KIF27: variants seen among roughly 807,000 people sequenced by gnomAD.
KIF27 encodes kinesin family member 27, also known as kinesin-like protein KIF27.
Under a neutral mutation model 141.8 loss-of-function variants are expected in KIF27, and 84 were observed. The ratio of observed to expected loss-of-function variants is 0.59; its 90% CI spans 0.50 to 0.71. The LOEUF is 0.71. Ranked by LOEUF, KIF27 falls within the 30% of genes least tolerant of loss-of-function variation. The pLI is 0.00. For missense variants in KIF27, 1,306 were observed against 1,628.4 expected, an observed-to-expected ratio of 0.80 and a Z score of 3.41; for synonymous variants, 471 against 569.5, an observed-to-expected ratio of 0.83 and a Z score of 2.46.
intron 3 of KIF27, among the ~76,000 whole-genome samples, chr9:83,907,042 G>A (rs1021751833): frequency 6.6e-6 from 1 of 151,956 alleles, no homozygotes; most frequent in Non-Finnish European, 1.5e-5. Context: ...TGTAATCCCA[G>A]CACTTTGGGA....
In KIF27 at chr9:83,903,391, C is replaced by A; in HGVS notation, c.1127G>T (p.Gly376Val). 1 of 1,614,056 alleles carries A rather than the reference C, an allele frequency of 6.2e-7. No homozygotes were observed. The highest frequency in any genetic ancestry group is 1.3e-5 in the African/African-American group (1 of 75,058). Residue 376 changes from glycine (G) to valine (V), a missense_variant, in exon 4 of 18, where the codon GGT becomes GTT. Coordinates refer to ENST00000297814, the MANE Select transcript of KIF27 (RefSeq NM_017576.4). Reference protein sequence around the residue: ...LREALQSQQAGVSQTTQINRE... With the variant: ...LREALQSQQAVVSQTTQINRE... Reference sequence around the variant, plus strand: ...ATTGATCTGGGTAGTTTGGCTGACACCAGCCTGCTGGCTTTGCAAAGCTTC... The same window carrying A: ...ATTGATCTGGGTAGTTTGGCTGACAACAGCCTGCTGGCTTTGCAAAGCTTC...
At chr9:83,901,421 CTA>C (rs1953876576) in intron 4 of KIF27, among the ~76,000 whole-genome samples, 1 of 152,190 alleles carries the variant, frequency 6.6e-6, no homozygotes, top group Non-Finnish European at 1.5e-5. Flanking sequence ...TCCCTTCAAA[CTA>C]TACAATTATG....
intron 13 of KIF27, among the ~76,000 whole-genome samples, chr9:83,862,650 C>G (rs1219133583): frequency 1.3e-5 from 2 of 152,106 alleles, no homozygotes; most frequent in Non-Finnish European, 2.9e-5. Context: ...ATTGTCTTGG[C>G]AATGCGGGCT....
At chr9:83,919,596 G>GAAA (rs537144904) in intron 1 of KIF27, among the ~76,000 whole-genome samples, 2 of 142,392 alleles carry the variant, frequency 1.4e-5, no homozygotes, top group African/African-American at 5.1e-5. Flanking sequence ...CACTACCCTT[G>GAAA]AAAAAAAAAA....
intron 13 of KIF27, among the ~76,000 whole-genome samples, chr9:83,860,635 C>T (rs1380191111): frequency 6.6e-6 from 1 of 152,182 alleles, no homozygotes; most frequent in Non-Finnish European, 1.5e-5. Flanking sequence ...TTCCTCAACA[C>T]TTTTTCATTT....
intron 12 of KIF27, among the ~76,000 whole-genome samples, chr9:83,869,922 A>G (rs2132034094): frequency 6.6e-6 from 1 of 152,316 alleles, no homozygotes; most frequent in South Asian, 2.1e-4. Flanking sequence ...TGTAATAATA[A>G]AAGTTTCACT....
At chr9:83,852,481 A>G (rs978973385) in intron 15 of KIF27, among the ~76,000 whole-genome samples, 2 of 151,870 alleles carry the variant, frequency 1.3e-5, no homozygotes, top group African/African-American at 4.8e-5. Context: ...TATCTATGTC[A>G]AAGCACTCCA....
intron 17 of KIF27, 154 bp from the exon 18 acceptor site, chr9:83,837,639 G>A (rs1420601828): frequency 7.0e-6 from 4 of 573,424 alleles, no homozygotes; most frequent in African/African-American, 1.9e-5. Flanking sequence ...ATGAACAGAT[G>A]TGTGAATATG....
chr9:83,904,064 C>T, intron 3 of KIF27, 46 bp from the exon 4 acceptor site: 2 of 1,458,524 alleles, frequency 1.4e-6, no homozygotes, highest in Non-Finnish European at 1.9e-6. Flanking sequence ...TTCATCAAAA[C>T]CTAGTATAGT....
In KIF27 at chr9:83,889,271, C is replaced by G. The variant is rs2990931; in HGVS notation, c.1810-18G>C. On this transcript the variant is annotated intron_variant, in intron 6 of 17. Coordinates refer to ENST00000297814, the MANE Select transcript of KIF27 (RefSeq NM_017576.4). ...GTGTGGACCTTGCAAGTGATTCCCC[C>G]ACCCAACAACAAAAAAAGTGATATT... 2.6e-6 allele frequency: 4 copies of G among 1,563,130 alleles called. No homozygotes were observed. Among genetic ancestry groups the G allele is most frequent in the Non-Finnish European group, 3.5e-6 (4 of 1,150,530 alleles).
intron 1 of KIF27, among the ~76,000 whole-genome samples, chr9:83,916,878 C>T (rs1054993384): frequency 6.6e-6 from 1 of 151,982 alleles, no homozygotes; most frequent in African/African-American, 2.4e-5. Context: ...TTAGCCAGGA[C>T]GGTCTCGATC....
chr9:83,875,368 T>G (rs1411503456), intron 11 of KIF27, among the ~76,000 whole-genome samples: 7 of 152,206 alleles, frequency 4.6e-5, no homozygotes, highest in Non-Finnish European at 1.0e-4. Flanking sequence ...AACTACATTT[T>G]TCCCCCATGA....
At chr9:83,876,593 C>A (rs1951218639) in intron 11 of KIF27, among the ~76,000 whole-genome samples, 1 of 152,148 alleles carries the variant, frequency 6.6e-6, no homozygotes, top group Admixed American at 6.6e-5. Flanking sequence ...ACTGTAGGGG[C>A]TCTGAAGAGC....
intron 5 of KIF27, among the ~76,000 whole-genome samples, chr9:83,895,952 G>A (rs555914981): frequency 1.3e-5 from 2 of 150,618 alleles, no homozygotes; most frequent in African/African-American, 2.4e-5. Flanking sequence ...CTAGGGAGGT[G>A]GAGGCAGGAG....
chr9:83,845,905 T>C (rs1057214224), intron 16 of KIF27, among the ~76,000 whole-genome samples: 1 of 152,150 alleles, frequency 6.6e-6, no homozygotes, highest in Non-Finnish European at 1.5e-5. Context: ...CCCAAGTGAG[T>C]GCTCACCAAC....
chr9:83,861,181 T>TTCTA (rs372826730), intron 13 of KIF27, among the ~76,000 whole-genome samples: 1 of 149,442 alleles, frequency 6.7e-6, no homozygotes, highest in African/African-American at 2.5e-5. Context: ...GGCTATTTCT[T>TTCTA]TATATATATA....
chr9:83,834,940 C>T lies in KIF27; in HGVS notation c.*2061G>A, dbSNP rs1405764073. ...GTATATATATAATACTATATATATA[C>T]AAGTGTTTATATACAAGTATATATA... is the stretch of plus-strand genomic sequence containing the variant. On this transcript the variant is annotated 3_prime_UTR_variant, in exon 18 of 18. Transcript: ENST00000297814. Among the ~76,000 whole-genome samples, 3 of 146,362 alleles carry T rather than the reference C, an allele frequency of 2.0e-5. No homozygotes were observed. The highest frequency in any genetic ancestry group is 4.5e-5 in the Non-Finnish European group (3 of 67,228).
intron 3 of KIF27, 111 bp from the exon 4 acceptor site, chr9:83,904,129 T>C (rs1467813443): frequency 2.3e-5 from 16 of 682,934 alleles, no homozygotes; most frequent in Admixed American, 1.3e-4. Flanking sequence ...TTTTAAAAAG[T>C]CAACAGCATT....
rs1945785608 is a variant in KIF27, at chr9:83,835,975, T to C, written c.*1026A>G. On this transcript the variant is annotated 3_prime_UTR_variant, in exon 18 of 18. Transcript: ENST00000297814. ...AACTACATTTGGTGTGCAAACTGTT[T>C]AGTTCTTAATTCCAAACTAAATTGT... Among the ~76,000 whole-genome samples, 3 of 152,116 alleles carry C rather than the reference T, an allele frequency of 2.0e-5. No homozygotes were observed. Among genetic ancestry groups the C allele is most frequent in the Admixed American group, 1.3e-4 (2 of 15,252 alleles).
Sources: allele counts gnomAD v4.1 joint callset (sites outside exome capture counted in the v4.1 genomes callset), GRCh38; gene constraint gnomAD v4.1.1; transcripts MANE v1.5; gene names NCBI Gene and HGNC (gene_info 2026-07-23, HGNC 2026-07-21).